The following CD86 variants were observed in gnomAD, a reference collection of about 807,000 sequenced individuals.
The protein encoded by CD86 is T-lymphocyte activation antigen CD86.
In CD86, 11 loss-of-function variants were observed where a neutral mutation model predicts 32.1. The ratio of observed to expected loss-of-function variants is 0.34; its 90% CI spans 0.22 to 0.57. CD86 has a LOEUF of 0.57. Among genes scored for constraint, CD86 ranks in the 20% least tolerant of loss-of-function variants. The pLI is 0.86. For synonymous variants in CD86, 137 were observed against 135.3 expected, an observed-to-expected ratio of 1.01 and a Z score of -0.09; for missense variants, 359 against 398.4, an observed-to-expected ratio of 0.90 and a Z score of 0.84.
chr3:122,110,153 A>G (rs1405516517), intron 5 of CD86, among the ~76,000 whole-genome samples: 1 of 152,242 alleles, frequency 6.6e-6, no homozygotes, highest in Non-Finnish European at 1.5e-5. Context: ...TGTCATAAAT[A>G]TCATTCTACA....
intron 1 of CD86, among the ~76,000 whole-genome samples, chr3:122,084,557 G>C (rs1366153235): frequency 6.6e-6 from 1 of 152,156 alleles, no homozygotes; most frequent in African/African-American, 2.4e-5. Context: ...GAAGATCCAA[G>C]ATTTTATTCA....
intron 1 of CD86, chr3:122,086,497 C>T (rs1559904447): frequency 4.5e-6 from 2 of 440,544 alleles, no homozygotes; most frequent in South Asian, 3.2e-5. Context: ...CTTCTTAGTT[C>T]CTTCCTTTTC....
At chr3:122,101,364 G>A (rs1490189084) in intron 2 of CD86, among the ~76,000 whole-genome samples, 1 of 151,812 alleles carries the variant, frequency 6.6e-6, no homozygotes, top group Non-Finnish European at 1.5e-5. Context: ...AGGTGAAGAA[G>A]GGAGCACTCG....
chr3:122,102,407 T>A lies in CD86; in HGVS notation c.65-1105T>A, dbSNP rs796279067. ...GCACTTCTCACCCACCACTGCTTAC[T>A]TTTTTTTTTTTTTTTTTTTTTTTTT... On this transcript the variant is annotated intron_variant, in intron 2 of 6. Coordinates refer to ENST00000330540, the MANE Select transcript of CD86 (RefSeq NM_175862.5). Among the ~76,000 whole-genome samples, 418 of 68,186 alleles carry A rather than the reference T, an allele frequency of 6.1e-3. 5 individuals are homozygous for A. The highest frequency in any genetic ancestry group is 0.027 in the African/African-American group (397 of 14,514). The allele number at this position is 68,186 out of a possible 152,430, so 44.7% of individuals were successfully genotyped here.
At chr3:122,093,153 T>A (rs1449719654) in intron 2 of CD86, among the ~76,000 whole-genome samples, 1 of 152,032 alleles carries the variant, frequency 6.6e-6, no homozygotes, top group African/African-American at 2.4e-5. Flanking sequence ...CTTATTTATT[T>A]ATTTTATTTA....
rs559238837 is a variant in CD86 at position 122,092,975 on chromosome 3, A to G, written c.64+1325A>G. 5.1e-4 allele frequency among the ~76,000 whole-genome samples: 78 copies of G among 152,236 alleles called. 1 individual carries two copies. The highest frequency in any genetic ancestry group is 1.8e-3 in the African/African-American group (74 of 41,556). On this transcript the variant is annotated intron_variant, in intron 2 of 6. Coordinates refer to ENST00000330540, the MANE Select transcript of CD86 (RefSeq NM_175862.5). ...GAGTCCTTGAGTGCAAGGTCTGTAG[A>G]TGTGCCAGCTGATCACTGACTTAGG...
intron 1 of CD86, chr3:122,086,570 G>A (rs757936655): frequency 2.1e-6 from 1 of 479,020 alleles, no homozygotes; most frequent in Admixed American, 2.1e-5. Flanking sequence ...CCACAGTAGT[G>A]TGCACCTGAA....
intron 1 of CD86, among the ~76,000 whole-genome samples, chr3:122,059,821 C>T (rs1559895121): frequency 6.6e-6 from 1 of 151,964 alleles, no homozygotes; most frequent in Non-Finnish European, 1.5e-5. Context: ...GGTCCTAATC[C>T]AAGACAATTG....
intron 1 of CD86, among the ~76,000 whole-genome samples, chr3:122,074,449 T>C (rs2072530508): frequency 6.6e-6 from 1 of 152,180 alleles, no homozygotes; most frequent in Non-Finnish European, 1.5e-5. Context: ...AAACACTAAT[T>C]AACGTTTCAA....
chr3:122,094,232 C>A (rs2072872512), intron 2 of CD86, among the ~76,000 whole-genome samples: 1 of 152,224 alleles, frequency 6.6e-6, no homozygotes, highest in South Asian at 2.1e-4. Flanking sequence ...TGACTCCGCA[C>A]ACTGAAAGTG....
intron 2 of CD86, among the ~76,000 whole-genome samples, chr3:122,101,431 G>A (rs1056085870): frequency 6.8e-6 from 1 of 147,664 alleles, no homozygotes; most frequent in Non-Finnish European, 1.5e-5. Flanking sequence ...GGTCAGCGGA[G>A]TTAGACTGGT....
At chr3:122,060,986 A>G (rs1281674249) in intron 1 of CD86, among the ~76,000 whole-genome samples, 1 of 152,222 alleles carries the variant, frequency 6.6e-6, no homozygotes, top group South Asian at 2.1e-4. Context: ...TTTCTTAGAA[A>G]GCTTTGAGTC....
chr3:122,056,244 T>C (rs1280883876), intron 1 of CD86, among the ~76,000 whole-genome samples: 1 of 152,176 alleles, frequency 6.6e-6, no homozygotes, highest in Non-Finnish European at 1.5e-5. Context: ...GCCAGAAGGT[T>C]TCTCCATGCT....
intron 2 of CD86, among the ~76,000 whole-genome samples, chr3:122,099,345 G>A (rs1033595124): frequency 1.3e-5 from 2 of 151,552 alleles, no homozygotes; most frequent in Non-Finnish European, 2.9e-5. Flanking sequence ...GGTGGGGGTG[G>A]GAGGCTGGGA....
intron 1 of CD86, among the ~76,000 whole-genome samples, chr3:122,058,981 A>G (rs2072283572): frequency 6.6e-6 from 1 of 152,134 alleles, no homozygotes; most frequent in Non-Finnish European, 1.5e-5. Context: ...GGAGAGATCT[A>G]AGTGCATAGT....
chr3:122,077,908 C>A lies in CD86; in HGVS notation c.15-13693C>A, dbSNP rs534880571. On this transcript the variant is annotated intron_variant, in intron 1 of 6. Transcript: ENST00000330540. ...GCATTATTTCTCTCTCTACAAGGAG[C>A]CTTAGGAGGTACGGGGAGCTCGCAA... 4 of 985,492 alleles carry A rather than the reference C, an allele frequency of 4.1e-6. No homozygotes were observed. In the African/African-American group the frequency reaches 5.2e-5, roughly 13 times the overall value. 61.0% of individuals were successfully genotyped at this position (985,492 alleles called of 1,614,324 possible).
chr3:122,063,631 C>T (rs377587160), intron 1 of CD86, among the ~76,000 whole-genome samples: 7 of 149,154 alleles, frequency 4.7e-5, no homozygotes, highest in Non-Finnish European at 8.9e-5. Flanking sequence ...GTCTCACTCA[C>T]GTTGTCACCT....
At chr3:122,099,604 T>G (rs977587404) in intron 2 of CD86, among the ~76,000 whole-genome samples, 1 of 152,100 alleles carries the variant, frequency 6.6e-6, no homozygotes, top group African/African-American at 2.4e-5. Flanking sequence ...AAAAGTAGAG[T>G]GTCCCCAGGG....
At chr3:122,091,552 T>A (rs1201603269) in intron 1 of CD86, 49 bp from the exon 2 acceptor site, 1 of 1,454,098 alleles carries the variant, frequency 6.9e-7, no homozygotes, top group Admixed American at 1.7e-5. Flanking sequence ...ACATCGGTTT[T>A]CAGTTTCCTT....
Sources: gnomAD v4.1 joint callset for allele counts (sites outside exome capture counted in the v4.1 genomes callset) on GRCh38, gnomAD v4.1.1 for gene constraint, MANE v1.5 for transcripts, NCBI Gene and HGNC (gene_info 2026-07-23, HGNC 2026-07-21) for gene names.